Variants in TEX9 observed in about 807,000 individuals in gnomAD.
The protein encoded by TEX9 is testis-expressed protein 9.
In TEX9, 74 loss-of-function variants were observed where a neutral mutation model predicts 59.6. That is an observed-to-expected ratio of 1.24 (90% CI 1.03 to 1.51). The LOEUF (loss-of-function observed/expected upper bound fraction) is 1.51. Ranked by LOEUF, TEX9 falls within the 40% of genes most tolerant of loss-of-function variation. The pLI, the probability that TEX9 is intolerant of heterozygous loss-of-function variation, is 0.00. For synonymous variants in TEX9, 186 were observed against 152.2 expected (o/e 1.22, Z -1.64); for missense variants, 522 against 447.8 (o/e 1.17, Z -1.49).
intron 1 of TEX9, among the ~76,000 whole-genome samples, chr15:56,300,945 A>G (rs2045347042): frequency 1.3e-5 from 2 of 152,208 alleles, no homozygotes; most frequent in Admixed American, 1.3e-4. Context: ...AACTGCCCAG[A>G]CACTGAAGAA....
At chr15:56,428,205 A>G (rs750704951) in intron 11 of TEX9, among the ~76,000 whole-genome samples, 162 bp from the exon 12 acceptor site, 1 of 152,086 alleles carries the variant, frequency 6.6e-6, no homozygotes, top group Non-Finnish European at 1.5e-5. Context: ...CTGTTGGACA[A>G]TACCATTTCA....
At chr15:56,446,683 C>T (rs1596264411), downstream of TEX9, among the ~76,000 whole-genome samples, 2 of 151,852 alleles carry the variant, frequency 1.3e-5, no homozygotes, top group Admixed American at 6.6e-5. Flanking sequence ...AATGAAATCA[C>T]GCAGGATTTT....
chr15:56,249,742 CA>C (rs11440856), intron 1 of TEX9, among the ~76,000 whole-genome samples: 1,082 of 25,414 alleles, frequency 0.043, 2 homozygotes, highest in African/African-American at 0.13. Flanking sequence ...GGATCTGTCT[CA>C]AAAAAAAAAA....
chr15:56,448,748 A>G (rs1596265269), downstream of TEX9, among the ~76,000 whole-genome samples: 1 of 134,422 alleles, frequency 7.4e-6, no homozygotes, highest in Non-Finnish European at 1.6e-5. Context: ...TTATTTTTAG[A>G]TTCTTTTTTT....
chr15:56,314,126 G>C (rs1297772634), intron 1 of TEX9, among the ~76,000 whole-genome samples: 2 of 39,428 alleles, frequency 5.1e-5, no homozygotes, highest in African/African-American at 1.3e-4. Context: ...ATTTTTTGAA[G>C]GGTTTTTTGT....
intron 1 of TEX9, among the ~76,000 whole-genome samples, chr15:56,308,725 T>G (rs1410466033): frequency 6.6e-6 from 1 of 152,154 alleles, no homozygotes; most frequent in Non-Finnish European, 1.5e-5. Flanking sequence ...AATTAATTTT[T>G]GTATAGTGTA....
At chr15:56,293,016 T>A (rs1297391759) in intron 1 of TEX9, among the ~76,000 whole-genome samples, 2 of 152,218 alleles carry the variant, frequency 1.3e-5, no homozygotes, top group African/African-American at 4.8e-5. Flanking sequence ...TCTCAAGTTC[T>A]ACTTCTAAGC....
chr15:56,407,208 C>A (rs1185362492), intron 9 of TEX9, among the ~76,000 whole-genome samples: 13 of 152,080 alleles, frequency 8.5e-5, no homozygotes, highest in South Asian at 2.1e-4. Flanking sequence ...GTTCTTTCCT[C>A]ATTTGCTTAC....
exon 1 of TEX9, chr15:56,244,045 C>G (rs1329289416): frequency 6.6e-6 from 1 of 151,100 alleles, no homozygotes; most frequent in African/African-American, 2.4e-5. Flanking sequence ...CGGGAGGAGT[C>G]CGGCCCGGCT....
chr15:56,383,355 C>T (rs1374994963), intron 3 of TEX9, among the ~76,000 whole-genome samples: 2 of 152,216 alleles, frequency 1.3e-5, no homozygotes, highest in Non-Finnish European at 2.9e-5. Flanking sequence ...AAACCAGGTA[C>T]TGTGTTTGCT....
chr15:56,424,448 T>C (rs2050144597), intron 10 of TEX9, among the ~76,000 whole-genome samples: 1 of 152,296 alleles, frequency 6.6e-6, no homozygotes, highest in Admixed American at 6.5e-5. Flanking sequence ...CATTCTTCCA[T>C]TCAATTTATT....
intron 9 of TEX9, chr15:56,395,872 A>C (rs1197995147): frequency 1.3e-5 from 2 of 152,188 alleles, no homozygotes; most frequent in Non-Finnish European, 2.9e-5. Context: ...TTTAGATACA[A>C]GTCCCTTATC....
chr15:56,393,782 T>A (rs1302834662), intron 7 of TEX9: 1 of 169,754 alleles, frequency 5.9e-6, no homozygotes, highest in Non-Finnish European at 1.2e-5. Flanking sequence ...TTACAGTCAG[T>A]GGCATTTTGT....
chr15:56,363,629 T>G (rs1254393365), upstream of TEX9, among the ~76,000 whole-genome samples: 3 of 152,060 alleles, frequency 2.0e-5, no homozygotes, highest in Non-Finnish European at 4.4e-5. Flanking sequence ...TGCCCATTTT[T>G]AACTTGGGTT....
chr15:56,385,831 C>A (rs1198863852), intron 4 of TEX9, among the ~76,000 whole-genome samples: 1 of 151,922 alleles, frequency 6.6e-6, no homozygotes, highest in East Asian at 1.9e-4. Context: ...GGTTTAGAGA[C>A]AAAAGAGAAG....
chr15:56,434,424 G>A (rs749346509), intron 12 of TEX9: 1 of 1,584,396 alleles, frequency 6.3e-7, no homozygotes, highest in Non-Finnish European at 8.6e-7. Context: ...AGTTAATTTA[G>A]TAACTATTTC....
intron 9 of TEX9, chr15:56,398,430 G>A (rs2048587653): frequency 2.6e-5 from 4 of 152,006 alleles, no homozygotes; most frequent in Admixed American, 2.6e-4. Flanking sequence ...ATATATAATT[G>A]GTCTAAAGGG....
At chr15:56,388,321 T>G in intron 4 of TEX9, 151 bp from the exon 5 acceptor site, 1 of 592,584 alleles carries the variant, frequency 1.7e-6, no homozygotes, top group Non-Finnish European at 2.9e-6. Flanking sequence ...ATGGTACTCA[T>G]TCAAAATAAA....
chr15:56,433,788 T>C (rs1165161881), intron 12 of TEX9, among the ~76,000 whole-genome samples: 1 of 152,178 alleles, frequency 6.6e-6, no homozygotes, highest in Non-Finnish European at 1.5e-5. Flanking sequence ...TCTGTTTCTC[T>C]CTCTGCCATA....
Sources: gnomAD v4.1 joint callset for allele counts (sites outside exome capture counted in the v4.1 genomes callset) on GRCh38, gnomAD v4.1.1 for gene constraint, MANE v1.5 for transcripts, NCBI Gene and HGNC (gene_info 2026-07-23, HGNC 2026-07-21) for gene names.